NEAT1: variants seen among roughly 807,000 people sequenced by gnomAD.
NEAT1 encodes the protein MENepsilon/beta.
chr11:65,429,497 C>CGTGTGTGTGTGTGCGT (rs1856595065), exon 1 of NEAT1: 2 of 146,910 alleles, frequency 1.4e-5, no homozygotes, highest in African/African-American at 2.5e-5. Context: ...TGTGTGTGTG[C>CGTGTGTGTGTGTGCGT]GTGTGTGTGT....
At chr11:65,433,687 A>G (rs1400374310) in exon 1 of NEAT1, 62 of 151,436 alleles carry the variant, frequency 4.1e-4, no homozygotes, top group Non-Finnish European at 1.2e-4. Context: ...GTCAATATTA[A>G]CTTCTTATAA....
chr11:65,426,533 T>C (rs1379761924), exon 1 of NEAT1: 2 of 152,246 alleles, frequency 1.3e-5, no homozygotes, highest in Admixed American at 6.5e-5. Context: ...CTCATTAGAA[T>C]TGTTGTATTG....
At chr11:65,433,595 A>T (rs543607220) in exon 1 of NEAT1, 118 of 152,244 alleles carry the variant, frequency 7.8e-4, no homozygotes, top group African/African-American at 2.8e-3. Context: ...CTCTCCACTT[A>T]AATTAATTAT....
chr11:65,424,651 C>T (rs770651035), exon 1 of NEAT1: 5 of 152,178 alleles, frequency 3.3e-5, no homozygotes, highest in Non-Finnish European at 7.3e-5. Flanking sequence ...TTGTGCTAAA[C>T]GCTGGGAGGG....
At chr11:65,443,401 A>G (rs550791694) in exon 1 of NEAT1, 1 of 152,356 alleles carries the variant, frequency 6.6e-6, no homozygotes, top group East Asian at 1.9e-4. Context: ...TTAAATATCT[A>G]TGAGGGTTAT....
exon 1 of NEAT1, chr11:65,426,272 G>A (rs1323763449): frequency 6.6e-6 from 1 of 152,102 alleles, no homozygotes; most frequent in Non-Finnish European, 1.5e-5. Context: ...TGACATGGTA[G>A]TTCAGTTCTT....
chr11:65,438,579 C>T (rs1230414187), exon 1 of NEAT1: 3 of 152,156 alleles, frequency 2.0e-5, no homozygotes, highest in African/African-American at 4.8e-5. Flanking sequence ...TACTGGTAAA[C>T]TTTGTTGTGC....
chr11:65,426,090 C>A (rs1025374547), exon 1 of NEAT1: 1 of 152,134 alleles, frequency 6.6e-6, no homozygotes, highest in East Asian at 1.9e-4. Flanking sequence ...GATCTGAAAA[C>A]CCTGCTTGGT....
chr11:65,437,838 A>G (rs2134903789), exon 1 of NEAT1: 1 of 152,230 alleles, frequency 6.6e-6, no homozygotes, highest in African/African-American at 2.4e-5. Context: ...CCTAATGGTT[A>G]CTTGATACTG....
In NEAT1 at chr11:65,438,387, T is replaced by A. The variant is rs1485709906; in HGVS notation, n.15590T>A. On this transcript the variant is annotated non_coding_transcript_exon_variant, in exon 1 of 1. Coordinates refer to ENST00000501122, the Ensembl canonical transcript of NEAT1. ...AATATTTATTTTTCCTTCTAAATAT[T>A]GAGATAAAATTCATGCTTTTGAAAT... 3 of 151,708 alleles carry A rather than the reference T, an allele frequency of 2.0e-5. No individual in the cohort carries two copies. In the East Asian group the frequency reaches 5.8e-4, roughly 29 times the overall value. 9.4% of individuals were successfully genotyped at this position (151,708 alleles called of 1,614,324 possible).
At chr11:65,436,119 C>T (rs528672002) in exon 1 of NEAT1, 2 of 152,336 alleles carry the variant, frequency 1.3e-5, no homozygotes, top group South Asian at 4.1e-4. Flanking sequence ...AGGTGTGAGC[C>T]CGGCTCTGGC....
chr11:65,425,920 T>C (rs1455532167), exon 1 of NEAT1: 1 of 152,192 alleles, frequency 6.6e-6, no homozygotes, highest in Non-Finnish European at 1.5e-5. Context: ...TTAGAATGAA[T>C]AATTTATTGT....
At chr11:65,424,783 C>A (rs1005452137) in exon 1 of NEAT1, 1 of 152,088 alleles carries the variant, frequency 6.6e-6, no homozygotes, top group Non-Finnish European at 1.5e-5. Flanking sequence ...CTCTTTTGTT[C>A]TTGCTTCGTT....
chr11:65,444,810 T>A, exon 1 of NEAT1: 3 of 254,554 alleles, frequency 1.2e-5, no homozygotes, highest in Non-Finnish European at 2.4e-5. Flanking sequence ...TCATTTCGAG[T>A]GATGGCAGTT....
exon 1 of NEAT1, chr11:65,430,467 A>C (rs1257645047): frequency 6.6e-6 from 1 of 152,230 alleles, no homozygotes; most frequent in African/African-American, 2.4e-5. Context: ...TTCCCAAAGG[A>C]AGTCCCATGG....
chr11:65,442,971 G>A (rs1272154449), exon 1 of NEAT1: 1 of 152,222 alleles, frequency 6.6e-6, no homozygotes, highest in African/African-American at 2.4e-5. Context: ...GTTATCTGAG[G>A]AAGTGGCCTG....
exon 1 of NEAT1, chr11:65,437,592 G>C (rs1856673174): frequency 6.6e-6 from 1 of 152,018 alleles, no homozygotes; most frequent in Non-Finnish European, 1.5e-5. Context: ...GCTATTCCAG[G>C]CTGCATGTTT....
chr11:65,429,585 A>G (rs1366547358), exon 1 of NEAT1: 1 of 151,976 alleles, frequency 6.6e-6, no homozygotes, highest in Non-Finnish European at 1.5e-5. Context: ...CATCTTAAGG[A>G]TATTGATAAT....
chr11:65,430,774 A>C (rs1213913451), exon 1 of NEAT1: 1 of 152,148 alleles, frequency 6.6e-6, no homozygotes, highest in African/African-American at 2.4e-5. Flanking sequence ...CACAGACTCA[A>C]ATGACTCCAG....
Sources: gnomAD v4.1 joint callset for allele counts on GRCh38, gnomAD v4.1.1 for gene constraint, MANE v1.5 for transcripts, NCBI Gene and HGNC (gene_info 2026-07-23, HGNC 2026-07-21) for gene names.